UBE2E3: variants seen among roughly 807,000 people sequenced by gnomAD.
UBE2E3 encodes the protein ubiquitin-conjugating enzyme E2 E3.
In UBE2E3, 5 loss-of-function variants were observed where a neutral mutation model predicts 23.6. The observed-to-expected ratio is 0.21, with a 90% CI of 0.11 to 0.44. The LOEUF is 0.44. UBE2E3 is among the 20% of genes least tolerant of loss of function. The probability of loss-of-function intolerance (pLI) is 0.99; values close to 1 mark genes in which losing one functional copy is unlikely to be tolerated. For missense variants in UBE2E3, 81 were observed against 249.8 expected, an observed-to-expected ratio of 0.32 and a Z score of 4.55; for synonymous variants, 78 against 87.5, an observed-to-expected ratio of 0.89 and a Z score of 0.60.
chr2:180,992,258 CTT>C (rs111814315), intron 3 of UBE2E3, among the ~76,000 whole-genome samples: 37,929 of 151,856 alleles, frequency 0.25, 4,930 homozygotes, highest in Non-Finnish European at 0.28. Flanking sequence ...TTCAAATACT[CTT>C]TTAATCATTC....
chr2:181,008,652 G>A (rs868060299), intron 3 of UBE2E3, among the ~76,000 whole-genome samples: 2 of 152,140 alleles, frequency 1.3e-5, no homozygotes, highest in Non-Finnish European at 2.9e-5. Flanking sequence ...TGGCTGTGGC[G>A]GAGTCTCTAG....
At chr2:180,993,956 T>G (rs1684751806) in intron 3 of UBE2E3, among the ~76,000 whole-genome samples, 1 of 152,206 alleles carries the variant, frequency 6.6e-6, no homozygotes, top group African/African-American at 2.4e-5. Flanking sequence ...ATATATATGC[T>G]TGTACTAAAT....
At chr2:181,047,970 A>T (rs560702657) in intron 3 of UBE2E3, among the ~76,000 whole-genome samples, 35 of 151,916 alleles carry the variant, frequency 2.3e-4, no homozygotes, top group Non-Finnish European at 4.0e-4. Flanking sequence ...TGTACTTCCC[A>T]TGTTCTCTTC....
chr2:180,996,017 C>T (rs775399043), intron 3 of UBE2E3, among the ~76,000 whole-genome samples: 1 of 151,790 alleles, frequency 6.6e-6, no homozygotes, highest in Admixed American at 6.6e-5. Context: ...TCCTAGTATC[C>T]TTTTCAGAAT....
intron 3 of UBE2E3, among the ~76,000 whole-genome samples, chr2:181,031,614 TCTCTTTCTGCGCCC>T: frequency 6.6e-6 from 1 of 152,308 alleles, no homozygotes; most frequent in East Asian, 1.9e-4. Flanking sequence ...TTTCTGTTTT[TCTCTTTCTGCGCCC>T]CTCCTCCTTG....
intron 3 of UBE2E3, among the ~76,000 whole-genome samples, chr2:181,034,173 C>G (rs1574204363): frequency 6.6e-6 from 1 of 152,322 alleles, no homozygotes; most frequent in Non-Finnish European, 1.5e-5. Flanking sequence ...AATCCCATTA[C>G]TGGGTATATA....
intron 3 of UBE2E3, among the ~76,000 whole-genome samples, chr2:180,991,096 C>G (rs7578218): frequency 0.23 from 35,228 of 151,920 alleles, 4,457 homozygotes; most frequent in Non-Finnish European, 0.28. Flanking sequence ...AGTCAGTTCA[C>G]ATTTAGGGTT....
At chr2:181,045,067 AAGAG>A (rs765814022) in intron 3 of UBE2E3, among the ~76,000 whole-genome samples, 5 of 152,274 alleles carry the variant, frequency 3.3e-5, no homozygotes, top group Middle Eastern at 3.4e-3. Flanking sequence ...TATAAGCAGA[AAGAG>A]AGGGAGGGAA....
At chr2:180,991,255 C>T (rs953995142) in intron 3 of UBE2E3, among the ~76,000 whole-genome samples, 2 of 151,906 alleles carry the variant, frequency 1.3e-5, no homozygotes, top group African/African-American at 4.8e-5. Context: ...CATTTCAAGA[C>T]TCCCTAGTGG....
intron 3 of UBE2E3, among the ~76,000 whole-genome samples, chr2:181,015,586 C>T (rs1217097203): frequency 6.6e-6 from 1 of 151,972 alleles, no homozygotes; most frequent in Non-Finnish European, 1.5e-5. Flanking sequence ...GAACAGTTTT[C>T]ATTATATGAT....
At chr2:181,056,928 A>G (rs923928558) in intron 3 of UBE2E3, among the ~76,000 whole-genome samples, 3 of 151,780 alleles carry the variant, frequency 2.0e-5, no homozygotes, top group African/African-American at 7.3e-5. Flanking sequence ...CATGAGAAGG[A>G]CACATACTAT....
intron 3 of UBE2E3, among the ~76,000 whole-genome samples, chr2:181,033,479 G>A (rs963194227): frequency 1.6e-4 from 25 of 152,208 alleles, no homozygotes; most frequent in South Asian, 1.2e-3. Flanking sequence ...CTAGCCATAT[G>A]TAGAAAGCTG....
intron 3 of UBE2E3, among the ~76,000 whole-genome samples, chr2:181,033,057 A>G (rs1160382682): frequency 6.6e-6 from 1 of 152,028 alleles, no homozygotes; most frequent in East Asian, 1.9e-4. Flanking sequence ...AGAACATTCC[A>G]TGCTCATGGA....
intron 3 of UBE2E3, among the ~76,000 whole-genome samples, chr2:181,051,197 C>T (rs753699855): frequency 6.6e-6 from 1 of 151,816 alleles, no homozygotes; most frequent in Non-Finnish European, 1.5e-5. Context: ...TATTAAATTA[C>T]ATGTTTAATC....
intron 4 of UBE2E3, among the ~76,000 whole-genome samples, chr2:181,059,696 C>T (rs1687084377): frequency 6.6e-6 from 1 of 151,588 alleles, no homozygotes; most frequent in Admixed American, 6.6e-5. Context: ...GCTGTATATG[C>T]ACATGTAACT....
At chr2:180,987,708 A>G (rs1440512467) in intron 3 of UBE2E3, among the ~76,000 whole-genome samples, 1 of 152,138 alleles carries the variant, frequency 6.6e-6, no homozygotes, top group Non-Finnish European at 1.5e-5. Flanking sequence ...GTAGTTGATA[A>G]TCTCTAGATT....
intron 3 of UBE2E3, among the ~76,000 whole-genome samples, chr2:181,022,409 AT>A (rs1270503816): frequency 6.6e-6 from 1 of 152,114 alleles, no homozygotes; most frequent in Non-Finnish European, 1.5e-5. Context: ...CCTAGGGGAA[AT>A]AAAAGATTAT....
At chr2:181,043,763 G>A (rs533441997) in intron 3 of UBE2E3, among the ~76,000 whole-genome samples, 1 of 152,060 alleles carries the variant, frequency 6.6e-6, no homozygotes, top group Admixed American at 6.6e-5. Flanking sequence ...TACACAATAT[G>A]ATTACTGGTG....
chr2:181,007,741 C>T (rs1315347184), intron 3 of UBE2E3, among the ~76,000 whole-genome samples: 2 of 152,280 alleles, frequency 1.3e-5, no homozygotes, highest in African/African-American at 4.8e-5. Context: ...CTGCAGGTTT[C>T]TGTCTACACT....
Sources: allele counts gnomAD v4.1 joint callset (sites outside exome capture counted in the v4.1 genomes callset), GRCh38; gene constraint gnomAD v4.1.1; transcripts MANE v1.5; gene names NCBI Gene and HGNC (gene_info 2026-07-23, HGNC 2026-07-21).